FAM149B1: variants seen among roughly 807,000 people sequenced by gnomAD.
FAM149B1 encodes the protein primary cilium assembly protein FAM149B1.
A neutral mutation model predicts 75.3 loss-of-function variants in FAM149B1; 56 were observed. The ratio of observed to expected loss-of-function variants is 0.74; its 90% CI spans 0.60 to 0.93. The LOEUF (loss-of-function observed/expected upper bound fraction) is 0.93, where lower values mean the gene tolerates loss of function less well. Among genes scored for constraint, FAM149B1 ranks in the 40% least tolerant of loss-of-function variants. The pLI is 0.00. For missense variants in FAM149B1, 639 were observed against 708.4 expected (o/e 0.90, Z 1.11); for synonymous variants, 259 against 256.1 (o/e 1.01, Z -0.11).
Position 73,224,277 on chromosome 10 carries a change from A to C in FAM149B1, c.899-3783A>C, listed in dbSNP as rs774417246. Reference sequence around the variant, plus strand: ...TGAAAGCAGCCATAAATAAGATGTAAATGAATGAGCTTGGCTGTGTACACT... The same window carrying C: ...TGAAAGCAGCCATAAATAAGATGTACATGAATGAGCTTGGCTGTGTACACT... On this transcript the variant is annotated intron_variant, in intron 7 of 13. Coordinates refer to ENST00000242505, the MANE Select transcript of FAM149B1 (RefSeq NM_173348.2). Among the ~76,000 whole-genome samples the C allele has an allele frequency of 6.6e-5, 10 of 152,276 alleles. No individual in the cohort carries two copies. In the South Asian group the frequency reaches 2.1e-3, roughly 32 times the overall value.
At chr10:73,171,043 G>T (rs1417289816) in intron 1 of FAM149B1, among the ~76,000 whole-genome samples, 4 of 151,592 alleles carry the variant, frequency 2.6e-5, no homozygotes, top group African/African-American at 9.7e-5. Flanking sequence ...TCTTGGCTCA[G>T]TTGCAACCTC....
chr10:73,181,110 C>A (rs2042387264), intron 3 of FAM149B1, among the ~76,000 whole-genome samples: 1 of 151,864 alleles, frequency 6.6e-6, no homozygotes, highest in African/African-American at 2.4e-5. Flanking sequence ...GGGTTCACAC[C>A]ATTCTCCTGC....
In FAM149B1 at chr10:73,228,092, G is replaced by A. The variant is rs753866250; in HGVS notation, c.931G>A (p.Asp311Asn). The A allele has an allele frequency of 5.3e-5, 82 of 1,551,310 alleles. No individual in the cohort carries two copies. Among genetic ancestry groups the A allele is most frequent in the Non-Finnish European group, 5.9e-5 (68 of 1,146,726 alleles). The change falls in exon 8 of 14, where the codon GAT becomes AAT. Residue 311 changes from aspartate (D) to asparagine (N), a missense_variant. Coordinates refer to ENST00000242505, the MANE Select transcript of FAM149B1 (RefSeq NM_173348.2). ...DESNVAVTRP[D>N]SESSCVLSEL... The stretch of plus-strand genomic sequence containing the variant: ...GAGTAATGTTGCAGTTACCAGACCC[G>A]ATTCAGAAAGTTCCTGTGTGCTGAG...
chr10:73,222,869 A>G (rs1419235409), intron 7 of FAM149B1, among the ~76,000 whole-genome samples: 1 of 152,224 alleles, frequency 6.6e-6, no homozygotes, highest in Non-Finnish European at 1.5e-5. Flanking sequence ...AAAGGGAAAA[A>G]AAAGTTTTTA....
rs1033785277 is a variant in FAM149B1 at position 73,234,830 on chromosome 10, G to A, written c.1366G>A (p.Asp456Asn). 10 of 1,551,476 alleles carry A rather than the reference G, an allele frequency of 6.4e-6. No individual in the cohort carries two copies. In the East Asian group the frequency reaches 2.0e-4, roughly 30 times the overall value. Residue 456 changes from aspartate (D) to asparagine (N), a missense_variant, in exon 11 of 14, where the codon GAC becomes AAC. Transcript: ENST00000242505. ...LRGARVPVAPDSLSSPSPTPL... is the reference protein window; with the variant it reads ...LRGARVPVAPNSLSSPSPTPL... ...TGGGATCTGCAGCCCAGTGGCACCC[G>A]ACTCGCTCTCCTCTCCCTCACCGAC...
rs576317270 is a variant in FAM149B1 at position 73,238,125 on chromosome 10, C to G, written c.1603-1187C>G. Reference sequence around the variant, plus strand: ...TTTTGGGAGGCTGAGGTGGGCAGATCACCTGAAGTCAGGAGTTTGAGACCA... The same window carrying G: ...TTTTGGGAGGCTGAGGTGGGCAGATGACCTGAAGTCAGGAGTTTGAGACCA... On this transcript the variant is annotated intron_variant, in intron 12 of 13. Coordinates refer to ENST00000242505, the MANE Select transcript of FAM149B1 (RefSeq NM_173348.2). 4.6e-5 allele frequency among the ~76,000 whole-genome samples: 7 copies of G among 152,176 alleles called. No individual in the cohort carries two copies. The East Asian group carries it at 1.4e-3, about 30-fold the overall frequency.
chr10:73,191,159 G>A (rs543239327), intron 3 of FAM149B1, among the ~76,000 whole-genome samples: 2 of 151,990 alleles, frequency 1.3e-5, no homozygotes, highest in African/African-American at 4.8e-5. Flanking sequence ...TCCTGCCTCA[G>A]CCTCCCAAGT....
chr10:73,242,620 A>G lies in FAM149B1; in HGVS notation c.*1601A>G, dbSNP rs2043967444. 1 of 152,230 alleles carries G rather than the reference A, an allele frequency of 6.6e-6. No individual in the cohort carries two copies. The highest frequency in any genetic ancestry group is 2.1e-4 in the South Asian group (1 of 4,828). 9.4% of individuals were successfully genotyped at this position (152,230 alleles called of 1,614,324 possible). ...CAGATTCAGACAAGCTCAGTGGCCC[A>G]ACTGAAGACATTCAGCAATTAATGG... is the stretch of plus-strand genomic sequence containing the variant. On this transcript the variant is annotated 3_prime_UTR_variant, in exon 14 of 14. Transcript: ENST00000242505.
Position 73,183,165 on chromosome 10 carries a change from G to C in FAM149B1, c.282+5190G>C, listed in dbSNP as rs145666868. 1.9e-3 allele frequency among the ~76,000 whole-genome samples: 292 copies of C among 152,300 alleles called. 3 individuals are homozygous for C. The highest frequency in any genetic ancestry group is 6.6e-3 in the African/African-American group (275 of 41,578). On this transcript the variant is annotated intron_variant, in intron 3 of 13. Transcript: ENST00000242505. The stretch of plus-strand genomic sequence containing the variant: ...AAGAGAACCAGAAATTAATTAATGG[G>C]TGAATATAAAAGTCTATATTTTTTA...
chr10:73,193,699 T>C (rs957471336), intron 5 of FAM149B1, 106 bp downstream of exon 5: 2 of 1,114,092 alleles, frequency 1.8e-6, no homozygotes, highest in Admixed American at 5.6e-5. Flanking sequence ...TTATTAGTAT[T>C]TAGTAAAGCA....
chr10:73,171,221 G>T lies in FAM149B1; in HGVS notation c.47+2835G>T, dbSNP rs1033789206. 1.3e-5 allele frequency among the ~76,000 whole-genome samples: 2 copies of T among 152,252 alleles called. 1 individual carries two copies. The highest frequency in any genetic ancestry group is 4.1e-4 in the South Asian group (2 of 4,830). ...CCCAAAGTGCTGGGATTATAGATGT[G>T]AGCCACCGCGCCTGGCCTACTTGTT... On this transcript the variant is annotated intron_variant, in intron 1 of 13. Transcript: ENST00000242505.
intron 5 of FAM149B1, among the ~76,000 whole-genome samples, chr10:73,203,216 C>A (rs2394934): frequency 2.0e-5 from 3 of 152,008 alleles, no homozygotes; most frequent in African/African-American, 7.3e-5. Flanking sequence ...AAATGGTATC[C>A]CTTGCAGTCA....
intron 1 of FAM149B1, among the ~76,000 whole-genome samples, chr10:73,172,027 T>C (rs561042167): frequency 6.6e-6 from 1 of 152,320 alleles, no homozygotes; most frequent in Non-Finnish European, 1.5e-5. Flanking sequence ...ATTATGCATC[T>C]CTAAAAATTA....
chr10:73,184,256 A>G (rs2133318100), intron 3 of FAM149B1, among the ~76,000 whole-genome samples: 1 of 152,350 alleles, frequency 6.6e-6, no homozygotes, highest in Admixed American at 6.5e-5. Context: ...TTTTATAATG[A>G]TAAAAGGGTC....
At chr10:73,203,350 A>G (rs1339931398) in intron 5 of FAM149B1, among the ~76,000 whole-genome samples, 1 of 152,214 alleles carries the variant, frequency 6.6e-6, no homozygotes, top group East Asian at 1.9e-4. Context: ...TGTTGTTTTC[A>G]TGAATAAAAT....
chr10:73,195,274 A>G (rs575393900), intron 5 of FAM149B1, among the ~76,000 whole-genome samples: 42 of 152,272 alleles, frequency 2.8e-4, no homozygotes, highest in Non-Finnish European at 4.4e-4. Context: ...TGTTAGGGTT[A>G]TGAGATTTGG....
rs1589132534 is a variant in FAM149B1, at chr10:73,174,605, A to T, written c.48-82A>T. Reference sequence around the variant, plus strand: ...AGTGCAGTTCCAGAGCAGAGGAAGTAGGTGACTAACTTCTAGATTAAATTA... The same window carrying T: ...AGTGCAGTTCCAGAGCAGAGGAAGTTGGTGACTAACTTCTAGATTAAATTA... On this transcript the variant is annotated intron_variant, in intron 1 of 13. Transcript: ENST00000242505. 8.3e-5 allele frequency: 80 copies of T among 966,506 alleles called. No homozygotes were observed. In the East Asian group the frequency reaches 2.1e-3, roughly 25 times the overall value. The allele number at this position is 966,506 out of a possible 1,614,324, so 59.9% of individuals were successfully genotyped here. A position where few individuals can be genotyped will look rare whatever the true frequency, so the allele number is the denominator to read the frequency against.
chr10:73,187,241 A>C (rs1336826494), intron 3 of FAM149B1, among the ~76,000 whole-genome samples: 1 of 152,114 alleles, frequency 6.6e-6, no homozygotes, highest in Non-Finnish European at 1.5e-5. Context: ...TTGTTCATGA[A>C]TTGGAAGACA....
At chr10:73,188,031 C>T (rs555101347) in intron 3 of FAM149B1, among the ~76,000 whole-genome samples, 1 of 152,138 alleles carries the variant, frequency 6.6e-6, no homozygotes, top group East Asian at 1.9e-4. Context: ...TGCAGTGAGC[C>T]AAGATTGTGC....
Sources: gnomAD v4.1 joint callset for allele counts (sites outside exome capture counted in the v4.1 genomes callset) on GRCh38, gnomAD v4.1.1 for gene constraint, MANE v1.5 for transcripts, NCBI Gene and HGNC (gene_info 2026-07-23, HGNC 2026-07-21) for gene names.